Variants in ARHGAP28 observed in about 807,000 individuals in gnomAD.
ARHGAP28 encodes the protein Rho GTPase activating protein 28, also known as rho GTPase-activating protein 28.
In ARHGAP28, 56 loss-of-function variants were observed where a neutral mutation model predicts 90.7. The ratio of observed to expected loss-of-function variants is 0.62; its 90% CI spans 0.50 to 0.77. The LOEUF (loss-of-function observed/expected upper bound fraction) is 0.77, where lower values mean the gene tolerates loss of function less well. ARHGAP28 is among the 30% of genes least tolerant of loss of function. The pLI, the probability that ARHGAP28 is intolerant of heterozygous loss-of-function variation, is 0.00. For synonymous variants in ARHGAP28, 308 were observed against 323.3 expected (o/e 0.95, Z 0.51); for missense variants, 869 against 900.9 (o/e 0.96, Z 0.45).
rs1026060142 is a variant in ARHGAP28, at chr18:6,887,302, A to T, written c.1536+63A>T. On this transcript the variant is annotated intron_variant, in intron 12 of 17. Coordinates refer to ENST00000383472, the MANE Select transcript of ARHGAP28 (RefSeq NM_001366230.1). ...TTATTGCTCAGAGGACATGGCTCAT[A>T]TAGGAAAATGAAAGTGGAGATGACA... 4.6e-5 allele frequency: 69 copies of T among 1,498,796 alleles called. No individual in the cohort carries two copies. In the African/African-American group the frequency reaches 8.7e-4, roughly 19 times the overall value. The allele number at this position is 1,498,796 out of a possible 1,614,324, so 92.8% of individuals were successfully genotyped here. A position where few individuals can be genotyped will look rare whatever the true frequency, so the allele number is the denominator to read the frequency against.
chr18:6,908,861 A>G (rs937079643), intron 16 of ARHGAP28, 99 bp from the exon 17 acceptor site: 11 of 717,810 alleles, frequency 1.5e-5, no homozygotes, highest in African/African-American at 3.6e-5. Flanking sequence ...CATTTCGTCA[A>G]GGCAGAATGA....
intron 4 of ARHGAP28, among the ~76,000 whole-genome samples, chr18:6,853,825 T>G (rs1246946591): frequency 1.3e-5 from 2 of 152,168 alleles, no homozygotes; most frequent in Admixed American, 6.5e-5. Flanking sequence ...CTACTTCAAG[T>G]TGTTCCACCT....
chr18:6,841,187 C>CACTG (rs2056816654), intron 3 of ARHGAP28, among the ~76,000 whole-genome samples: 17 of 57,906 alleles, frequency 2.9e-4, no homozygotes, highest in African/African-American at 5.7e-4. Context: ...TCTCCTCTCT[C>CACTG]TCTCTCTCTC....
chr18:6,900,630 A>G (rs534017861), intron 16 of ARHGAP28, among the ~76,000 whole-genome samples: 8 of 152,164 alleles, frequency 5.3e-5, no homozygotes, highest in Non-Finnish European at 1.0e-4. Flanking sequence ...ACAGAGAGGA[A>G]ATAAACCGGA....
intron 1 of ARHGAP28, among the ~76,000 whole-genome samples, chr18:6,778,440 A>G (rs1252387051): frequency 1.3e-5 from 2 of 152,222 alleles, no homozygotes; most frequent in Non-Finnish European, 2.9e-5. Context: ...CTTTTTAGCA[A>G]TGGTCACTGC....
chr18:6,873,189 A>T (rs1374476914), intron 7 of ARHGAP28, among the ~76,000 whole-genome samples: 2 of 152,194 alleles, frequency 1.3e-5, no homozygotes, highest in South Asian at 2.1e-4. Context: ...ATGTTATCAT[A>T]TACTTTAGAC....
chr18:6,906,473 T>C (rs1032695426), intron 16 of ARHGAP28, among the ~76,000 whole-genome samples: 9 of 152,234 alleles, frequency 5.9e-5, no homozygotes, highest in Non-Finnish European at 1.3e-4. Flanking sequence ...TCTGTCTCTC[T>C]GAATTTGACT....
At chr18:6,774,600 CT>C (rs1182965585) in intron 1 of ARHGAP28, among the ~76,000 whole-genome samples, 12 of 152,256 alleles carry the variant, frequency 7.9e-5, no homozygotes, top group East Asian at 1.9e-4. Context: ...GTGCTGGAGC[CT>C]TTAAACTAAC....
chr18:6,758,570 C>T (rs1236596342), intron 1 of ARHGAP28, among the ~76,000 whole-genome samples: 5 of 152,176 alleles, frequency 3.3e-5, no homozygotes, highest in African/African-American at 1.2e-4. Context: ...GTGATCCGCC[C>T]ACCTCGGCTT....
Position 6,912,344 on chromosome 18 carries a change from C to T in ARHGAP28, c.*190C>T. ...GGTTCACCAATTCAACTGAAGCTTT[C>T]TCATGACTTTTTTTTTTATAAAAGT... is the stretch of plus-strand genomic sequence containing the variant. On this transcript the variant is annotated 3_prime_UTR_variant, in exon 18 of 18. Transcript: ENST00000383472. 1 of 375,292 alleles carries T rather than the reference C, an allele frequency of 2.7e-6. No homozygotes were observed. The highest frequency in any genetic ancestry group is 4.8e-6 in the Non-Finnish European group (1 of 208,230). 23.2% of individuals were successfully genotyped at this position (375,292 alleles called of 1,614,324 possible).
At chr18:6,870,834 C>G (rs1337760485) in intron 7 of ARHGAP28, 102 bp downstream of exon 7, 4 of 1,277,272 alleles carry the variant, frequency 3.1e-6, no homozygotes, top group Non-Finnish European at 4.3e-6. Context: ...GAGTCTCGCT[C>G]TATTGCCCCA....
Position 6,837,348 on chromosome 18 carries a change from C to T in ARHGAP28, c.477C>T (p.Thr159=). ...VQKRYHTYTQ[T]MRKKDKQSIR... ...AGAGATACCATACCTATACCCAAAC[C>T]ATGAGGAAAAAGGATAAGCAATCTA... is the stretch of plus-strand genomic sequence containing the variant. Residue 159 remains threonine, a synonymous_variant, in exon 3 of 18, where the codon ACC becomes ACT. Transcript: ENST00000383472. 1 of 1,613,696 alleles carries T rather than the reference C, an allele frequency of 6.2e-7. No individual in the cohort carries two copies. The highest frequency in any genetic ancestry group is 8.5e-7 in the Non-Finnish European group (1 of 1,179,980).
In ARHGAP28 at chr18:6,822,770, A is replaced by T. The variant is rs187451345; in HGVS notation, c.123-1992A>T. Reference sequence around the variant, plus strand: ...ATACTACGAAAAGATCAATGATAAAATTCCAGAAATCTCTACTAAATTTAG... The same window carrying T: ...ATACTACGAAAAGATCAATGATAAATTTCCAGAAATCTCTACTAAATTTAG... On this transcript the variant is annotated intron_variant, in intron 1 of 17. Coordinates refer to ENST00000383472, the MANE Select transcript of ARHGAP28 (RefSeq NM_001366230.1). Among the ~76,000 whole-genome samples the T allele has an allele frequency of 1.5e-3, 222 of 152,350 alleles. 1 individual carries two copies. Among genetic ancestry groups the T allele is most frequent in the African/African-American group, 5.2e-3 (215 of 41,594 alleles).
chr18:6,865,960 T>A (rs2057035262), intron 5 of ARHGAP28, among the ~76,000 whole-genome samples: 1 of 152,188 alleles, frequency 6.6e-6, no homozygotes, highest in Non-Finnish European at 1.5e-5. Context: ...GGAAGGTTGC[T>A]TTAAATGGGG....
At chr18:6,735,699 C>T (rs2055920844) in intron 1 of ARHGAP28, among the ~76,000 whole-genome samples, 1 of 151,998 alleles carries the variant, frequency 6.6e-6, no homozygotes, top group Non-Finnish European at 1.5e-5. Context: ...AGGCTACAGG[C>T]ACATGCCACC....
intron 1 of ARHGAP28, among the ~76,000 whole-genome samples, chr18:6,795,419 T>C (rs1407634260): frequency 1.3e-5 from 2 of 152,052 alleles, no homozygotes; most frequent in Admixed American, 1.3e-4. Flanking sequence ...TTTCTCTGTG[T>C]GTCCCAAGAA....
chr18:6,882,780 T>C (rs886649062), intron 11 of ARHGAP28, among the ~76,000 whole-genome samples: 4 of 152,242 alleles, frequency 2.6e-5, no homozygotes, highest in African/African-American at 9.6e-5. Flanking sequence ...TCACAGAAGA[T>C]AATATGTCTC....
intron 16 of ARHGAP28, chr18:6,898,814 C>T (rs903497108): frequency 5.6e-6 from 6 of 1,079,384 alleles, no homozygotes; most frequent in Non-Finnish European, 5.8e-6. Context: ...TGTTCTCACT[C>T]GTAAGTGGGA....
chr18:6,871,795 T>C (rs1196237419), intron 7 of ARHGAP28, among the ~76,000 whole-genome samples: 1 of 152,036 alleles, frequency 6.6e-6, no homozygotes, highest in African/African-American at 2.4e-5. Flanking sequence ...AACCATCCCA[T>C]GACAGAGGAC....
Sources: allele counts gnomAD v4.1 joint callset (sites outside exome capture counted in the v4.1 genomes callset), GRCh38; gene constraint gnomAD v4.1.1; transcripts MANE v1.5; gene names NCBI Gene and HGNC (gene_info 2026-07-23, HGNC 2026-07-21).